SMIM41: variants seen among roughly 807,000 people sequenced by gnomAD.
SMIM41 encodes the protein small integral membrane protein 41.
intron 2 of SMIM41, among the ~76,000 whole-genome samples, chr12:52,101,754 C>T (rs1486251454): frequency 6.6e-6 from 1 of 151,766 alleles, no homozygotes; most frequent in Non-Finnish European, 1.5e-5. Context: ...CTCTTGTTGC[C>T]CAGGCTGGAG....
rs1470977167 is a variant in SMIM41 at position 52,089,643 on chromosome 12, AG to A, written c.*195+5677del. Among the ~76,000 whole-genome samples, 6 of 152,206 alleles carry A rather than the reference AG, an allele frequency of 3.9e-5. No individual in the cohort carries two copies. In the East Asian group the frequency reaches 5.8e-4, roughly 15 times the overall value. ...AAAACAAAACAAAACAAAAACCTGC[AG>A]GAGAATCCGTCCTTGCCTCCGCCTC... On this transcript the variant is annotated intron_variant, in intron 2 of 2. Transcript: ENST00000546390.
At chr12:52,100,700 C>T (rs1370747209) in intron 2 of SMIM41, among the ~76,000 whole-genome samples, 16 of 150,552 alleles carry the variant, frequency 1.1e-4, no homozygotes, top group East Asian at 2.0e-4. Context: ...CTTGAACTCC[C>T]GACCTCAGGT....
intron 2 of SMIM41, among the ~76,000 whole-genome samples, chr12:52,089,941 T>C (rs1413963153): frequency 6.6e-6 from 1 of 152,124 alleles, no homozygotes; most frequent in Non-Finnish European, 1.5e-5. Context: ...ACGTCTTTTT[T>C]GGGGGGGACA....
At chr12:52,085,741 G>C (rs1284919506) in intron 2 of SMIM41, among the ~76,000 whole-genome samples, 2 of 152,188 alleles carry the variant, frequency 1.3e-5, no homozygotes, top group Non-Finnish European at 2.9e-5. Context: ...TACTTGGGTT[G>C]GGGTAGAGGT....
At chr12:52,084,583 GCAT>G (rs1939866253) in intron 2 of SMIM41, among the ~76,000 whole-genome samples, 1 of 152,126 alleles carries the variant, frequency 6.6e-6, no homozygotes, top group Non-Finnish European at 1.5e-5. Context: ...AGAGGAAGTG[GCAT>G]CACCACTGGG....
At chr12:52,106,315 C>A (rs1488794982) in intron 2 of SMIM41, among the ~76,000 whole-genome samples, 1 of 152,180 alleles carries the variant, frequency 6.6e-6, no homozygotes, top group Non-Finnish European at 1.5e-5. Context: ...TGGCTGTCAT[C>A]AGTGTGACTT....
chr12:52,089,666 C>A (rs1409506150), intron 2 of SMIM41, among the ~76,000 whole-genome samples: 1 of 152,218 alleles, frequency 6.6e-6, no homozygotes, highest in Non-Finnish European at 1.5e-5. Context: ...CTTGCCTCCG[C>A]CTCGCTTCCG....
At chr12:52,090,289 G>A (rs1373984552) in intron 2 of SMIM41, among the ~76,000 whole-genome samples, 1 of 152,084 alleles carries the variant, frequency 6.6e-6, no homozygotes, top group East Asian at 1.9e-4. Flanking sequence ...GGCAGGCTGA[G>A]TCAGGCTGGT....
At chr12:52,106,207 G>A (rs1940335706) in intron 2 of SMIM41, among the ~76,000 whole-genome samples, 1 of 152,168 alleles carries the variant, frequency 6.6e-6, no homozygotes, top group South Asian at 2.1e-4. Flanking sequence ...TTTTGTTTCT[G>A]ACTCCCCAGA....
At chr12:52,101,349 C>T (rs1037985498) in intron 2 of SMIM41, among the ~76,000 whole-genome samples, 1 of 152,144 alleles carries the variant, frequency 6.6e-6, no homozygotes, top group Non-Finnish European at 1.5e-5. Context: ...CACTTGAACT[C>T]GGGAGGCGGA....
intron 2 of SMIM41, among the ~76,000 whole-genome samples, chr12:52,102,757 G>A (rs1940243851): frequency 6.6e-6 from 1 of 152,200 alleles, no homozygotes. Flanking sequence ...TATGATTGGA[G>A]GGAATGTAAA....
chr12:52,107,348 C>G (rs1383347912), intron 2 of SMIM41, 31 bp from the exon 3 acceptor site: 1 of 496,880 alleles, frequency 2.0e-6, no homozygotes, highest in Admixed American at 2.2e-5. Flanking sequence ...CCCACAGAAT[C>G]TAACAGATGT....
chr12:52,090,054 GTGT>G (rs1393733218), intron 2 of SMIM41, among the ~76,000 whole-genome samples: 1 of 144,000 alleles, frequency 6.9e-6, no homozygotes, highest in Non-Finnish European at 1.5e-5. Flanking sequence ...TGCCAAGAAG[GTGT>G]TGTTTGTTTG....
intron 2 of SMIM41, among the ~76,000 whole-genome samples, chr12:52,106,724 G>A (rs1301342037): frequency 1.3e-5 from 2 of 152,300 alleles, no homozygotes; most frequent in Middle Eastern, 3.4e-3. Context: ...AAGACCCACC[G>A]ATTTGAGTAA....
chr12:52,080,324 T>C (rs562119754), intron 1 of SMIM41, 143 bp downstream of exon 1: 1 of 155,100 alleles, frequency 6.4e-6, no homozygotes, highest in Admixed American at 6.5e-5. Context: ...TTCCCAGCTC[T>C]GTAAGTCCAC....
intron 2 of SMIM41, among the ~76,000 whole-genome samples, chr12:52,094,184 T>C (rs971853795): frequency 6.7e-6 from 1 of 148,200 alleles, no homozygotes; most frequent in African/African-American, 2.5e-5. Flanking sequence ...GAACAATTCC[T>C]ATGAAGTTTT....
intron 2 of SMIM41, among the ~76,000 whole-genome samples, chr12:52,100,774 C>T (rs1035582316): frequency 4.6e-5 from 7 of 151,942 alleles, no homozygotes; most frequent in African/African-American, 1.7e-4. Flanking sequence ...CGCCCAGCCA[C>T]CACTTAGCAT....
chr12:52,087,506 T>G (rs1449767704), intron 2 of SMIM41: 1 of 152,620 alleles, frequency 6.6e-6, no homozygotes, highest in East Asian at 1.9e-4. Flanking sequence ...ATCCCCTGGG[T>G]GGTTGCTCCA....
At chr12:52,083,827 A>G (rs1939852285) in intron 1 of SMIM41, 67 bp from the exon 2 acceptor site, 1 of 152,226 alleles carries the variant, frequency 6.6e-6, no homozygotes, top group Non-Finnish European at 1.5e-5. Flanking sequence ...TATTTATTGA[A>G]AAAAGTCTTT....
Sources: allele counts gnomAD v4.1 joint callset (sites outside exome capture counted in the v4.1 genomes callset), GRCh38; gene constraint gnomAD v4.1.1; transcripts MANE v1.5; gene names NCBI Gene and HGNC (gene_info 2026-07-23, HGNC 2026-07-21).